SLC24A2: variants seen among roughly 807,000 people sequenced by gnomAD.
SLC24A2 encodes sodium/potassium/calcium exchanger 2.
A neutral mutation model predicts 62.0 loss-of-function variants in SLC24A2; 36 were observed. The observed-to-expected ratio is 0.58, with a 90% CI of 0.44 to 0.77. The LOEUF (loss-of-function observed/expected upper bound fraction) is 0.77. Ranked by LOEUF, SLC24A2 falls within the 30% of genes least tolerant of loss-of-function variation. The pLI, the probability that SLC24A2 is intolerant of heterozygous loss-of-function variation, is 0.00. For synonymous variants in SLC24A2, 358 were observed against 294.0 expected, an observed-to-expected ratio of 1.22 and a Z score of -2.23; for missense variants, 846 against 817.9, an observed-to-expected ratio of 1.03 and a Z score of -0.42.
chr9:20,102,781 G>T, the SLC24A2 span, among the ~76,000 whole-genome samples: 1 of 152,184 alleles, frequency 6.6e-6, no homozygotes, highest in Admixed American at 6.5e-5. Flanking sequence ...CAGAAGACGG[G>T]TGATTTCTGC....
chr9:19,869,727 A>G, the SLC24A2 span, among the ~76,000 whole-genome samples: 4 of 152,196 alleles, frequency 2.6e-5, no homozygotes, highest in Non-Finnish European at 5.9e-5. Flanking sequence ...TGACAACTCT[A>G]TATGTCATAA....
the SLC24A2 span, among the ~76,000 whole-genome samples, chr9:19,976,811 C>T: frequency 7.9e-5 from 12 of 152,144 alleles, no homozygotes; most frequent in Non-Finnish European, 1.8e-4. Flanking sequence ...AGGACATGCT[C>T]ATTGGTTCCA....
chr9:20,257,903 C>T, the SLC24A2 span, among the ~76,000 whole-genome samples: 1 of 152,132 alleles, frequency 6.6e-6, no homozygotes, highest in Non-Finnish European at 1.5e-5. Flanking sequence ...TGGCATGGTC[C>T]CTTAGCTCAT....
chr9:19,863,512 A>G, the SLC24A2 span, among the ~76,000 whole-genome samples: 2 of 152,192 alleles, frequency 1.3e-5, no homozygotes, highest in Non-Finnish European at 1.5e-5. Context: ...AATCATATCA[A>G]GCATCCTCTG....
the SLC24A2 span, among the ~76,000 whole-genome samples, chr9:20,186,647 T>C: frequency 1.2e-4 from 18 of 152,040 alleles, no homozygotes; most frequent in African/African-American, 4.3e-4. Context: ...CAACCGCACC[T>C]CCTTGGAAAA....
chr9:20,049,540 A>G, the SLC24A2 span, among the ~76,000 whole-genome samples: 2 of 152,188 alleles, frequency 1.3e-5, no homozygotes, highest in Admixed American at 1.3e-4. Context: ...CTCACACACA[A>G]CTAATCACTC....
the SLC24A2 span, among the ~76,000 whole-genome samples, chr9:20,041,128 AAG>A: frequency 3.9e-5 from 6 of 152,178 alleles, no homozygotes; most frequent in African/African-American, 9.7e-5. Flanking sequence ...AGGAGAGAGA[AAG>A]AGAGAGAGTG....
rs140555857 is a variant in SLC24A2 at position 19,712,371 on chromosome 9, C to T, written c.930+73566G>A. Among the ~76,000 whole-genome samples, 13 of 152,338 alleles carry T rather than the reference C, an allele frequency of 8.5e-5. No homozygotes were observed. In the East Asian group the frequency reaches 2.5e-3, roughly 29 times the overall value. On this transcript the variant is annotated intron_variant, in intron 2 of 10. Coordinates refer to ENST00000341998, the MANE Select transcript of SLC24A2 (RefSeq NM_020344.4). ...ACCTGTGGAGAGCCAACTATAAGAT[C>T]TCCCATCATGGTGCAAGATGGGTTT...
chr9:19,552,092 T>C (rs1347503369), intron 7 of SLC24A2, among the ~76,000 whole-genome samples: 4 of 152,188 alleles, frequency 2.6e-5, no homozygotes, highest in African/African-American at 7.2e-5. Context: ...TTTTTAAATA[T>C]ACACCTCACA....
chr9:19,786,758 T>A lies in SLC24A2; in HGVS notation c.109A>T (p.Ile37Phe), dbSNP rs755438988. ...CCCATGAAAAGGCCTAAGACTCGAA[T>A]TAACTTCAGTTTTTTCTTGACACTA... ...HYSVKKKLKL[I>F]RVLGLFMGLV... The change falls in exon 2 of 11, where the codon ATT becomes TTT. Residue 37 changes from isoleucine (I) to phenylalanine (F), a missense_variant. Transcript: ENST00000341998. The surrounding 1 kb of genome is among the most constrained non-coding windows in gnomAD (Gnocchi z 5.0). 1 of 1,601,470 alleles carries A rather than the reference T, an allele frequency of 6.2e-7. No homozygotes were observed. Among genetic ancestry groups the A allele is most frequent in the Non-Finnish European group, 8.5e-7 (1 of 1,173,350 alleles).
At chr9:19,702,759 T>C (rs1820393211) in intron 2 of SLC24A2, among the ~76,000 whole-genome samples, 1 of 152,152 alleles carries the variant, frequency 6.6e-6, no homozygotes, top group Non-Finnish European at 1.5e-5. Context: ...TTATCTTGAG[T>C]TACCTTTTAA....
At chr9:20,291,409 A>G in the SLC24A2 span, among the ~76,000 whole-genome samples, 4 of 152,198 alleles carry the variant, frequency 2.6e-5, no homozygotes, top group African/African-American at 7.2e-5. Context: ...GGCAGAGGGG[A>G]GATCAGGGCC....
chr9:19,680,605 C>CATATAT (rs3086327), intron 2 of SLC24A2, among the ~76,000 whole-genome samples: 2,189 of 147,396 alleles, frequency 0.015, 14 homozygotes, highest in African/African-American at 0.02. Context: ...AGTTCTATAA[C>CATATAT]ATATATATAT....
rs973176502 is a variant in SLC24A2 at position 19,636,636 on chromosome 9, T to C, written c.931-14337A>G. ...TTTTAGTAAAGACAAGGTTTCACCA[T>C]GTTGGCCAGGCTGGTCTCGAACTCC... On this transcript the variant is annotated intron_variant, in intron 2 of 10. Transcript: ENST00000341998. Among the ~76,000 whole-genome samples, 6 of 151,954 alleles carry C rather than the reference T, an allele frequency of 3.9e-5. No homozygotes were observed. The East Asian group carries it at 7.7e-4, about 20-fold the overall frequency.
chr9:19,850,990 T>TATATATAC, the SLC24A2 span, among the ~76,000 whole-genome samples: 2 of 39,834 alleles, frequency 5.0e-5, no homozygotes, highest in Non-Finnish European at 6.4e-5. Context: ...TATATGTATA[T>TATATATAC]ATATATATAT....
In SLC24A2 at chr9:19,528,164, G is replaced by A. The variant is rs369256067; in HGVS notation, c.1480-26C>T. 4 of 1,426,280 alleles carry A rather than the reference G, an allele frequency of 2.8e-6. No homozygotes were observed. The African/African-American group carries it at 4.2e-5, about 15-fold the overall frequency. The allele number at this position is 1,426,280 out of a possible 1,614,324, so 88.4% of individuals were successfully genotyped here. A position where few individuals can be genotyped will look rare whatever the true frequency, so the allele number is the denominator to read the frequency against. Reference sequence around the variant, plus strand: ...CTGAAAGACAACCAGGAAGAGTTGAGAATATCAGTGTTATCCATTGAGACT... The same window carrying A: ...CTGAAAGACAACCAGGAAGAGTTGAAAATATCAGTGTTATCCATTGAGACT... On this transcript the variant is annotated intron_variant, in intron 8 of 10. Transcript: ENST00000341998.
the SLC24A2 span, among the ~76,000 whole-genome samples, chr9:20,139,617 C>T: frequency 6.6e-6 from 1 of 152,128 alleles, no homozygotes; most frequent in Non-Finnish European, 1.5e-5. Flanking sequence ...AAGCTATGTG[C>T]AAGATGCTGT....
chr9:19,628,595 T>C (rs1430473207), intron 2 of SLC24A2, among the ~76,000 whole-genome samples: 1 of 152,220 alleles, frequency 6.6e-6, no homozygotes. Flanking sequence ...GATATGCCAA[T>C]CAAACACAAT....
At chr9:19,911,084 C>T in the SLC24A2 span, among the ~76,000 whole-genome samples, 1 of 117,822 alleles carries the variant, frequency 8.5e-6, no homozygotes, top group Non-Finnish European at 1.6e-5. Context: ...CACCCCACAA[C>T]AGTCCCCAGA....
Sources: allele counts gnomAD v4.1 joint callset (sites outside exome capture counted in the v4.1 genomes callset), GRCh38; gene constraint gnomAD v4.1.1; non-coding constraint Gnocchi (gnomAD v3.1); transcripts MANE v1.5; gene names NCBI Gene and HGNC (gene_info 2026-07-23, HGNC 2026-07-21).